Variants in RXFP2 observed in about 807,000 individuals in gnomAD.
RXFP2 encodes relaxin family peptide receptor 2.
Under a neutral mutation model 88.6 loss-of-function variants are expected in RXFP2, and 68 were observed. That is an observed-to-expected ratio of 0.77 (90% CI 0.63 to 0.94). The LOEUF (loss-of-function observed/expected upper bound fraction) is 0.94, where lower values mean the gene tolerates loss of function less well. Among genes scored for constraint, RXFP2 ranks in the 40% least tolerant of loss-of-function variants. The pLI, the probability that RXFP2 is intolerant of heterozygous loss-of-function variation, is 0.00. For synonymous variants in RXFP2, 329 were observed against 306.8 expected (o/e 1.07, Z -0.76); for missense variants, 791 against 893.9 (o/e 0.88, Z 1.47).
At chr13:31,800,228 C>A (rs1162226441) in intron 17 of RXFP2, among the ~76,000 whole-genome samples, 3 of 152,166 alleles carry the variant, frequency 2.0e-5, no homozygotes. Flanking sequence ...TTATGGCATG[C>A]CACTGACAGT....
chr13:31,751,632 G>A (rs1206973632), intron 1 of RXFP2, among the ~76,000 whole-genome samples: 1 of 152,190 alleles, frequency 6.6e-6, no homozygotes, highest in East Asian at 1.9e-4. Context: ...CCCACTCAGA[G>A]GAAGAACAGC....
chr13:31,799,549 G>T (rs1874230223), intron 17 of RXFP2, among the ~76,000 whole-genome samples: 1 of 152,128 alleles, frequency 6.6e-6, no homozygotes, highest in Non-Finnish European at 1.5e-5. Flanking sequence ...TTTCCCACTT[G>T]TAGGGGGACG....
At chr13:31,759,085 C>G (rs1283188230) in intron 2 of RXFP2, among the ~76,000 whole-genome samples, 1 of 150,788 alleles carries the variant, frequency 6.6e-6, no homozygotes, top group Non-Finnish European at 1.5e-5. Context: ...ATGGGCCTAG[C>G]TAAAGAATTA....
At chr13:31,765,432 C>CT (rs58728346) in intron 4 of RXFP2, among the ~76,000 whole-genome samples, 24,448 of 149,306 alleles carry the variant, frequency 0.16, 1,951 homozygotes, top group Middle Eastern at 0.22. Flanking sequence ...TGTTGAAATG[C>CT]TTTTTTTTTT....
chr13:31,769,646 A>G (rs1872667082), intron 5 of RXFP2, among the ~76,000 whole-genome samples: 1 of 152,170 alleles, frequency 6.6e-6, no homozygotes, highest in South Asian at 2.1e-4. Flanking sequence ...TATGTGCCCT[A>G]TGATTATATT....
intron 7 of RXFP2, among the ~76,000 whole-genome samples, chr13:31,776,028 C>CA (rs1872928010): frequency 6.6e-6 from 1 of 152,098 alleles, no homozygotes; most frequent in Non-Finnish European, 1.5e-5. Context: ...CTTAGCCTTC[C>CA]AGGCAACTTT....
intron 1 of RXFP2, among the ~76,000 whole-genome samples, chr13:31,754,924 T>C (rs1414215977): frequency 1.3e-5 from 2 of 152,206 alleles, no homozygotes; most frequent in South Asian, 2.1e-4. Flanking sequence ...CCATTTTACA[T>C]AGAGCTTCCT....
chr13:31,748,907 G>A (rs1871542021), intron 1 of RXFP2, among the ~76,000 whole-genome samples: 1 of 152,148 alleles, frequency 6.6e-6, no homozygotes, highest in Non-Finnish European at 1.5e-5. Flanking sequence ...TAAGGCAGGA[G>A]AATCTCTTGA....
At chr13:31,792,161 T>A (rs939852681) in intron 15 of RXFP2, 126 bp downstream of exon 15, 11 of 735,906 alleles carry the variant, frequency 1.5e-5, no homozygotes, top group African/African-American at 1.8e-5. Flanking sequence ...TGGGCACATT[T>A]TTTTTTCTAA....
At chr13:31,797,481 C>T in intron 17 of RXFP2, 62 bp downstream of exon 17, 2 of 1,198,770 alleles carry the variant, frequency 1.7e-6, no homozygotes, top group Admixed American at 3.4e-5. Context: ...CTTCTTTTGA[C>T]AAGGCCAGAG....
At chr13:31,755,985 C>T (rs941919380) in intron 1 of RXFP2, among the ~76,000 whole-genome samples, 1 of 152,208 alleles carries the variant, frequency 6.6e-6, no homozygotes, top group East Asian at 1.9e-4. Context: ...CCGGCTGACC[C>T]CAGAGAGGGC....
chr13:31,779,425 A>G (rs1873161384), intron 9 of RXFP2, among the ~76,000 whole-genome samples: 1 of 152,122 alleles, frequency 6.6e-6, no homozygotes, highest in Non-Finnish European at 1.5e-5. Flanking sequence ...GAAGGCAGAA[A>G]CCTATAGTAT....
intron 17 of RXFP2, 137 bp from the exon 18 acceptor site, chr13:31,802,009 A>G: frequency 1.2e-6 from 1 of 822,026 alleles, no homozygotes; most frequent in Admixed American, 2.5e-5. Context: ...TCCAACAAAG[A>G]TTTTCCTTCA....
chr13:31,776,102 T>TTTTCTTTTCTTTCTTTCTTTCTTTC (rs372102585), intron 7 of RXFP2, among the ~76,000 whole-genome samples: 4 of 109,828 alleles, frequency 3.6e-5, no homozygotes, highest in African/African-American at 1.1e-4. Flanking sequence ...CTTTCTTTTC[T>TTTTCTTTTCTTTCTTTCTTTCTTTC]TTTCTTTCTT....
intron 2 of RXFP2, among the ~76,000 whole-genome samples, chr13:31,761,193 A>T (rs79445804): frequency 1.8e-4 from 27 of 152,230 alleles, no homozygotes; most frequent in Non-Finnish European, 2.6e-4. Flanking sequence ...CATGCAAGTG[A>T]TCCTCCCACC....
intron 1 of RXFP2, among the ~76,000 whole-genome samples, chr13:31,752,276 TG>T (rs1871704373): frequency 1.3e-5 from 2 of 152,178 alleles, no homozygotes; most frequent in East Asian, 1.9e-4. Flanking sequence ...TAATATTTTC[TG>T]CCCCCTCCCC....
At position 31,793,074 on chromosome 13, in the gene RXFP2, T is replaced by C. The variant is rs778769081; in HGVS notation, c.1772T>C (p.Leu591Pro). 3 of 1,611,500 alleles carry C rather than the reference T, an allele frequency of 1.9e-6. No homozygotes were observed. In the South Asian group the frequency reaches 3.3e-5, roughly 18 times the overall value. Residue 591 changes from leucine to proline, a missense_variant, in exon 16 of 18, where the codon CTT becomes CCT. Physicochemically the swap from Leu to Pro is moderately conservative, Grantham distance 98. Transcript: ENST00000298386. ...TEDIGSKGYSLGIFLGVNLLA... is the reference protein window; with the variant it reads ...TEDIGSKGYSPGIFLGVNLLA... ...GATATTGGAAGCAAAGGGTATTCTC[T>C]TGGAATTTTCCTAGGTAAATTATAT...
intron 2 of RXFP2, 30 bp from the exon 3 acceptor site, chr13:31,761,694 A>G: frequency 1.4e-6 from 2 of 1,463,210 alleles, no homozygotes; most frequent in African/African-American, 1.4e-5. Context: ...TTTCTAGAAT[A>G]AGTGACACAT....
chr13:31,792,968 C>T lies in RXFP2; in HGVS notation c.1666C>T (p.Pro556Ser). ...GGCGGGATTTTTAATAGCTGTAATTCCATTTTGGAATAAGGATTATTTTGG... is the reference window on the plus strand; with the variant it reads ...GGCGGGATTTTTAATAGCTGTAATTTCATTTTGGAATAAGGATTATTTTGG... ...WMAGFLIAVI[P>S]FWNKDYFGNF... The change falls in exon 16 of 18, where the codon CCA becomes TCA. Residue 556 changes from proline to serine, a missense_variant. Coordinates refer to ENST00000298386, the MANE Select transcript of RXFP2 (RefSeq NM_130806.5). 6.2e-7 allele frequency: 1 copy of T among 1,613,962 alleles called. No homozygotes were observed. Among genetic ancestry groups the T allele is most frequent in the Middle Eastern group, 1.7e-4 (1 of 6,060 alleles).
Sources: gnomAD v4.1 joint callset for allele counts (sites outside exome capture counted in the v4.1 genomes callset) on GRCh38, gnomAD v4.1.1 for gene constraint, MANE v1.5 for transcripts, NCBI Gene and HGNC (gene_info 2026-07-23, HGNC 2026-07-21) for gene names.